GLP1R: variants seen among roughly 807,000 people sequenced by gnomAD.
GLP1R encodes glucagon-like peptide 1 receptor.
GLP1R carries 32 observed loss-of-function variants against 68.4 expected under a neutral mutation model. The ratio of observed to expected loss-of-function variants is 0.47; its 90% CI spans 0.35 to 0.63. The LOEUF (loss-of-function observed/expected upper bound fraction) is 0.63. Among genes scored for constraint, GLP1R ranks in the 20% least tolerant of loss-of-function variants. The pLI is 0.00. For synonymous variants in GLP1R, 263 were observed against 244.4 expected, an observed-to-expected ratio of 1.08 and a Z score of -0.71; for missense variants, 502 against 594.9, an observed-to-expected ratio of 0.84 and a Z score of 1.62.
At chr6:39,066,046 C>A (rs10305455) in intron 4 of GLP1R, 151 bp from the exon 5 acceptor site, 2 of 620,354 alleles carry the variant, frequency 3.2e-6, no homozygotes, top group South Asian at 3.9e-5. Context: ...GAACCATCGC[C>A]GTAGGTTACG....
At position 39,089,772 on chromosome 6, in the gene GLP1R, C is replaced by T. The variant is rs147058472; in HGVS notation, c.*3699C>T. Among the ~76,000 whole-genome samples, 2,483 of 152,326 alleles carry T rather than the reference C, an allele frequency of 0.016. 72 individuals carry two copies. Among genetic ancestry groups the T allele is most frequent in the African/African-American group, 0.056 (2,337 of 41,578 alleles). On this transcript the variant is annotated 3_prime_UTR_variant, in exon 13 of 13. Coordinates refer to ENST00000373256, the MANE Select transcript of GLP1R (RefSeq NM_002062.5). This position sits in a 1 kb window ranked among gnomAD's most constrained non-coding sequence, Gnocchi z 4.1. ...GGAGTCTAAGTGGTAGATGCTTCCT[C>T]TCCATGCGCAGACAGGGCTCCCATT...
intron 1 of GLP1R, among the ~76,000 whole-genome samples, chr6:39,053,896 C>T (rs973976473): frequency 6.6e-6 from 1 of 152,138 alleles, no homozygotes; most frequent in African/African-American, 2.4e-5. Context: ...CACTCTCTCC[C>T]TGCCCCAAAA....
At chr6:39,078,875 T>C (rs1022583167) in intron 8 of GLP1R, 82 bp from the exon 9 acceptor site, 30 of 1,173,760 alleles carry the variant, frequency 2.6e-5, no homozygotes, top group Admixed American at 5.1e-5. Flanking sequence ...GCCATGTGCA[T>C]TGGCGGCCTC....
chr6:39,048,820 C>T lies in GLP1R; in HGVS notation c.-21C>T. ...GCGGTTCCGCAGGTGGCAGCGATGG[C>T]CCAGTCCTGAACTCCCCGCCATGGC... On this transcript the variant is annotated 5_prime_UTR_variant, in exon 1 of 13. Transcript: ENST00000373256. 1 of 1,269,450 alleles carries T rather than the reference C, an allele frequency of 7.9e-7. No individual in the cohort carries two copies. Among genetic ancestry groups the T allele is most frequent in the East Asian group, 2.9e-5 (1 of 34,580 alleles). The allele number at this position is 1,269,450 out of a possible 1,614,324, so 78.6% of individuals were successfully genotyped here. A position where few individuals can be genotyped will look rare whatever the true frequency, so the allele number is the denominator to read the frequency against.
intron 5 of GLP1R, among the ~76,000 whole-genome samples, chr6:39,071,964 G>C (rs1484548779): frequency 6.6e-6 from 1 of 152,010 alleles, no homozygotes; most frequent in Non-Finnish European, 1.5e-5. Flanking sequence ...ATTCTCCATC[G>C]AGATCTTACC....
chr6:39,051,154 A>G (rs1328320825), intron 1 of GLP1R, among the ~76,000 whole-genome samples: 1 of 152,200 alleles, frequency 6.6e-6, no homozygotes, highest in Admixed American at 6.5e-5. Context: ...AGTTAAAATC[A>G]GACACAACTG....
chr6:39,065,617 A>T (rs758720841), intron 3 of GLP1R, 94 bp from the exon 4 acceptor site: 2 of 710,272 alleles, frequency 2.8e-6, no homozygotes, highest in East Asian at 5.4e-5. Flanking sequence ...GGGAGCAGGG[A>T]TAGCCCTCAG....
chr6:39,078,260 C>G (rs139037199), intron 7 of GLP1R, 62 bp from the exon 8 acceptor site: 40 of 1,190,424 alleles, frequency 3.4e-5, no homozygotes, highest in Non-Finnish European at 4.7e-5. Context: ...GAGGCCTCGG[C>G]ATGTAGACTG....
rs778186095 is a variant in GLP1R, at chr6:39,089,740, G to A, written c.*3667G>A. On this transcript the variant is annotated 3_prime_UTR_variant, in exon 13 of 13. Coordinates refer to ENST00000373256, the MANE Select transcript of GLP1R (RefSeq NM_002062.5). This position sits in a 1 kb window ranked among gnomAD's most constrained non-coding sequence, Gnocchi z 4.1. ...GTGCAGGTCATAGGACCGCACACCC[G>A]AGGCTGGGAGTCTAAGTGGTAGATG... Among the ~76,000 whole-genome samples the A allele has an allele frequency of 1.1e-4, 16 of 152,156 alleles. No individual in the cohort carries two copies. Among genetic ancestry groups the A allele is most frequent in the Admixed American group, 9.8e-4 (15 of 15,270 alleles).
At chr6:39,084,061 A>T (rs1769083679) in intron 12 of GLP1R, among the ~76,000 whole-genome samples, 1 of 152,076 alleles carries the variant, frequency 6.6e-6, no homozygotes, top group Non-Finnish European at 1.5e-5. Flanking sequence ...GAGAGGTAGG[A>T]GATGGACCAG....
intron 1 of GLP1R, among the ~76,000 whole-genome samples, chr6:39,051,899 G>GT (rs1768098287): frequency 6.8e-6 from 1 of 146,924 alleles, no homozygotes; most frequent in African/African-American, 2.5e-5. Context: ...GTGTGTGGGG[G>GT]GGGGGGCATC....
At chr6:39,072,708 C>T (rs575888959) in intron 5 of GLP1R, among the ~76,000 whole-genome samples, 154 bp from the exon 6 acceptor site, 16 of 152,220 alleles carry the variant, frequency 1.1e-4, no homozygotes, top group African/African-American at 1.9e-4. Flanking sequence ...AGGATTTTCA[C>T]GATGATGAGG....
chr6:39,069,042 T>C (rs1401743411), intron 5 of GLP1R, among the ~76,000 whole-genome samples: 1 of 152,206 alleles, frequency 6.6e-6, no homozygotes, highest in African/African-American at 2.4e-5. Context: ...ATTTCTCTCT[T>C]CTCATATTTT....
At chr6:39,055,124 G>C (rs564746861) in intron 1 of GLP1R, among the ~76,000 whole-genome samples, 1 of 152,182 alleles carries the variant, frequency 6.6e-6, no homozygotes, top group African/African-American at 2.4e-5. Flanking sequence ...CAAGGGGTGA[G>C]CAAGGCAACC....
intron 3 of GLP1R, among the ~76,000 whole-genome samples, chr6:39,064,000 CTTT>C (rs34132463): frequency 8.0e-5 from 9 of 112,040 alleles, no homozygotes; most frequent in Admixed American, 1.8e-4. Flanking sequence ...AGACTCAGTT[CTTT>C]TTTTTTTTTT....
At chr6:39,052,918 C>G (rs1227515783) in intron 1 of GLP1R, among the ~76,000 whole-genome samples, 1 of 152,192 alleles carries the variant, frequency 6.6e-6, no homozygotes, top group East Asian at 1.9e-4. Context: ...AGTGCTCCTT[C>G]CTGTAGACCA....
At chr6:39,085,460 G>T (rs1769121234) in intron 12 of GLP1R, among the ~76,000 whole-genome samples, 1 of 152,178 alleles carries the variant, frequency 6.6e-6, no homozygotes, top group Non-Finnish European at 1.5e-5. Context: ...GTTTAGAAGG[G>T]TCTGCTGTAG....
At position 39,087,640 on chromosome 6, in the gene GLP1R, A is replaced by T. The variant is rs925230490; in HGVS notation, c.*1567A>T. ...TTAAATGGTGGGAACCCTCCCCAAAACCTTTCCCCAGACACATTCTCCTGT... is the reference window on the plus strand; with the variant it reads ...TTAAATGGTGGGAACCCTCCCCAAATCCTTTCCCCAGACACATTCTCCTGT... On this transcript the variant is annotated 3_prime_UTR_variant, in exon 13 of 13. Coordinates refer to ENST00000373256, the MANE Select transcript of GLP1R (RefSeq NM_002062.5). 1.3e-5 allele frequency: 2 copies of T among 152,118 alleles called. No homozygotes were observed. The highest frequency in any genetic ancestry group is 2.9e-5 in the Non-Finnish European group (2 of 68,042). 9.4% of individuals were successfully genotyped at this position (152,118 alleles called of 1,614,324 possible). A position where few individuals can be genotyped will look rare whatever the true frequency, so the allele number is the denominator to read the frequency against.
chr6:39,052,138 C>A (rs12660306), intron 1 of GLP1R, among the ~76,000 whole-genome samples: 133,079 of 151,906 alleles, frequency 0.88, 58,589 homozygotes, highest in African/African-American at 0.97. Context: ...TGCGTGTGAC[C>A]GTGTGTCCAC....
Sources: gnomAD v4.1 joint callset for allele counts (sites outside exome capture counted in the v4.1 genomes callset) on GRCh38, gnomAD v4.1.1 for gene constraint, Gnocchi (gnomAD v3.1) non-coding constraint, MANE v1.5 for transcripts, NCBI Gene and HGNC (gene_info 2026-07-23, HGNC 2026-07-21) for gene names.